The following ZNF516 variants were observed in gnomAD, a reference collection of about 807,000 sequenced individuals.
ZNF516 encodes the protein zinc finger protein 516.
ZNF516 carries 19 observed loss-of-function variants against 79.7 expected under a neutral mutation model. The observed-to-expected ratio is 0.24, with a 90% CI of 0.17 to 0.35. ZNF516 has a LOEUF of 0.35. ZNF516 is among the 10% of genes least tolerant of loss of function. The pLI, the probability that ZNF516 is intolerant of heterozygous loss-of-function variation, is 1.00. For missense variants in ZNF516, 1,678 were observed against 1,679.5 expected, an observed-to-expected ratio of 1.00 and a Z score of 0.02; for synonymous variants, 877 against 739.5, an observed-to-expected ratio of 1.19 and a Z score of -3.02.
chr18:76,466,631 C>T (rs960892327), intron 1 of ZNF516, among the ~76,000 whole-genome samples: 3 of 152,242 alleles, frequency 2.0e-5, no homozygotes, highest in African/African-American at 4.8e-5. Flanking sequence ...TGTGGACAGG[C>T]TCTCTAGACA....
upstream of ZNF516, chr18:76,496,328 G>A (rs78371908): frequency 4.0e-3 from 5,131 of 1,289,720 alleles, 163 homozygotes; most frequent in East Asian, 0.087. Flanking sequence ...CCGCAGTGGA[G>A]GTGGATTCCG....
intron 3 of ZNF516, among the ~76,000 whole-genome samples, chr18:76,390,861 T>A (rs2075062191): frequency 6.6e-6 from 1 of 151,920 alleles, no homozygotes; most frequent in Non-Finnish European, 1.5e-5. Flanking sequence ...TCGGAAAAGG[T>A]CTAGGGAGGG....
At chr18:76,389,345 G>C (rs1479198204) in intron 3 of ZNF516, 1 of 152,072 alleles carries the variant, frequency 6.6e-6, no homozygotes, top group Non-Finnish European at 1.5e-5. Flanking sequence ...GGCTGGGTAA[G>C]ATAGGACAAA....
Position 76,441,976 on chromosome 18 carries a change from A to G in ZNF516, c.1079T>C (p.Val360Ala), listed in dbSNP as rs909682308. The G allele has an allele frequency of 6.2e-7, 1 of 1,612,582 alleles. No homozygotes were observed. Among genetic ancestry groups the G allele is most frequent in the Non-Finnish European group, 8.5e-7 (1 of 1,179,708 alleles). Residue 360 changes from valine to alanine, a missense_variant, in exon 3 of 7, where the codon GTC (valine) becomes GCC (alanine). Physicochemically the swap from Val to Ala is moderately conservative, Grantham distance 64. Transcript: ENST00000443185. ...CGGGGCGCGCGTGCGGCTGGCCTCGACTCTGCGGTGGATGGCATTGTGGGC... is the reference window on the plus strand; with the variant it reads ...CGGGGCGCGCGTGCGGCTGGCCTCGGCTCTGCGGTGGATGGCATTGTGGGC... ...LNAHNAIHRR[V>A]EASRTRAPAE...
intron 2 of ZNF516, among the ~76,000 whole-genome samples, chr18:76,460,906 G>A (rs1322439870): frequency 2.0e-5 from 3 of 152,142 alleles, no homozygotes; most frequent in Admixed American, 6.5e-5. Flanking sequence ...CATACTGCCC[G>A]CCACGGTGGC....
intron 1 of ZNF516, among the ~76,000 whole-genome samples, chr18:76,469,469 A>C (rs1913698185): frequency 2.6e-5 from 4 of 152,218 alleles, no homozygotes; most frequent in Admixed American, 2.0e-4. Context: ...AAATAACCAA[A>C]GACCTAATAA....
intron 3 of ZNF516, among the ~76,000 whole-genome samples, chr18:76,440,664 A>G (rs1282615423): frequency 2.0e-5 from 3 of 152,220 alleles, no homozygotes; most frequent in Admixed American, 6.5e-5. Flanking sequence ...GAATCCAAGA[A>G]GATTAATTAT....
Position 76,459,021 on chromosome 18 carries a change from CAT to C in ZNF516, c.-158+4005_-158+4006del, listed in dbSNP as rs879560854. On this transcript the variant is annotated intron_variant, in intron 2 of 6. Coordinates refer to ENST00000443185, the MANE Select transcript of ZNF516 (RefSeq NM_014643.4). The surrounding 1 kb of genome is among the most constrained non-coding windows in gnomAD (Gnocchi z 5.0). ...GTGTGTGTGTGTGTCTGAGAGAGCA[CAT>C]GTGTGTGATCTCTTAACCTACATAA... is the stretch of plus-strand genomic sequence containing the variant. Among the ~76,000 whole-genome samples the C allele has an allele frequency of 1.3e-4, 20 of 152,158 alleles. No homozygotes were observed. The South Asian group carries it at 1.4e-3, about 11-fold the overall frequency.
intron 3 of ZNF516, among the ~76,000 whole-genome samples, chr18:76,432,336 T>TC (rs2075671603): frequency 6.6e-6 from 1 of 152,132 alleles, no homozygotes; most frequent in Non-Finnish European, 1.5e-5. Flanking sequence ...TTACCTGCTC[T>TC]CCCCACAGGT....
intron 1 of ZNF516, among the ~76,000 whole-genome samples, chr18:76,479,751 G>A (rs549561831): frequency 6.6e-6 from 1 of 152,338 alleles, no homozygotes; most frequent in South Asian, 2.1e-4. Context: ...TGTGCAGAGG[G>A]GCAGACATTG....
chr18:76,419,351 T>G (rs956624268), intron 3 of ZNF516, among the ~76,000 whole-genome samples: 2 of 152,220 alleles, frequency 1.3e-5, no homozygotes, highest in African/African-American at 4.8e-5. Context: ...ACACAAAGGA[T>G]ATTCGTAGGA....
At position 76,492,161 on chromosome 18, in the gene ZNF516, T is replaced by C. The variant is rs568824218; in HGVS notation, c.-272+2983A>G. The C allele has an allele frequency of 2.6e-5, 26 of 985,188 alleles. No homozygotes were observed. In the African/African-American group the frequency reaches 3.7e-4, roughly 14 times the overall value. The allele number at this position is 985,188 out of a possible 1,614,324, so 61.0% of individuals were successfully genotyped here. On this transcript the variant is annotated intron_variant, in intron 1 of 6. Transcript: ENST00000443185. ...TAACCTCTCCATTGCATCATCCCCA[T>C]CCCGGTGGGTACAGAAGCGCAGCAA...
chr18:76,376,048 A>C (rs1199800299), intron 4 of ZNF516, among the ~76,000 whole-genome samples: 1 of 152,260 alleles, frequency 6.6e-6, no homozygotes, highest in Non-Finnish European at 1.5e-5. Context: ...ATGGATGCAG[A>C]ACACGGATGC....
At chr18:76,383,061 C>T (rs1211458567) in intron 3 of ZNF516, among the ~76,000 whole-genome samples, 11 of 135,922 alleles carry the variant, frequency 8.1e-5, no homozygotes, top group African/African-American at 8.3e-5. Flanking sequence ...AAAAAAAAAG[C>T]GCATGGTCTA....
intron 4 of ZNF516, among the ~76,000 whole-genome samples, chr18:76,377,540 AC>A (rs1231272639): frequency 1.3e-5 from 2 of 152,278 alleles, no homozygotes; most frequent in Non-Finnish European, 2.9e-5. Flanking sequence ...TCAGCAGGTG[AC>A]CCCAGCACCC....
intron 3 of ZNF516, among the ~76,000 whole-genome samples, chr18:76,414,651 G>C (rs779974264): frequency 1.8e-4 from 28 of 152,156 alleles, no homozygotes; most frequent in Non-Finnish European, 3.2e-4. Flanking sequence ...GTTGTTTAAA[G>C]GCTCAATTAA....
intron 3 of ZNF516, among the ~76,000 whole-genome samples, chr18:76,384,093 G>C (rs1486196969): frequency 1.3e-5 from 2 of 152,190 alleles, no homozygotes; most frequent in African/African-American, 4.8e-5. Context: ...GTGCCATTCT[G>C]ACTTTTTCAT....
chr18:76,417,341 C>T (rs1285160206), intron 3 of ZNF516, among the ~76,000 whole-genome samples: 1 of 152,152 alleles, frequency 6.6e-6, no homozygotes, highest in East Asian at 1.9e-4. Context: ...GCGTGGAAAC[C>T]AAAGCTGTAA....
intron 3 of ZNF516, among the ~76,000 whole-genome samples, chr18:76,407,765 G>A (rs140710039): frequency 4.0e-4 from 61 of 152,298 alleles, no homozygotes; most frequent in South Asian, 2.9e-3. Flanking sequence ...AGAAACAGTC[G>A]TTGCCAGCCA....
Sources: gnomAD v4.1 joint callset for allele counts (sites outside exome capture counted in the v4.1 genomes callset) on GRCh38, gnomAD v4.1.1 for gene constraint, Gnocchi (gnomAD v3.1) non-coding constraint, MANE v1.5 for transcripts, NCBI Gene and HGNC (gene_info 2026-07-23, HGNC 2026-07-21) for gene names.